RBM33: variants seen among roughly 807,000 people sequenced by gnomAD.
The protein encoded by RBM33 is RNA binding motif protein 33.
In RBM33, 28 loss-of-function variants were observed where a neutral mutation model predicts 132.6. The observed-to-expected ratio is 0.21, with a 90% CI of 0.16 to 0.29. RBM33 has a LOEUF of 0.29. Ranked by LOEUF, RBM33 falls within the 10% of genes least tolerant of loss-of-function variation. The pLI is 1.00. For missense variants in RBM33, 1,291 were observed against 1,518.5 expected (o/e 0.85, Z 2.49); for synonymous variants, 634 against 593.0 (o/e 1.07, Z -1.01).
intron 6 of RBM33, among the ~76,000 whole-genome samples, chr7:155,704,471 G>T (rs978711569): frequency 6.6e-6 from 1 of 152,176 alleles, no homozygotes; most frequent in South Asian, 2.1e-4. Context: ...GAGTAGGCAT[G>T]TGTAAGGAAT....
intron 16 of RBM33, among the ~76,000 whole-genome samples, chr7:155,770,594 CTTTTT>C (rs34251346): frequency 7.3e-6 from 1 of 136,264 alleles, no homozygotes; most frequent in Non-Finnish European, 1.6e-5. Flanking sequence ...CAGCTGATAC[CTTTTT>C]TTTTTTTTTT....
In RBM33 at chr7:155,673,562, A is replaced by G. The variant is rs1392401460; in HGVS notation, c.171+647A>G. 2.5e-3 allele frequency among the ~76,000 whole-genome samples: 218 copies of G among 87,152 alleles called. 19 individuals are homozygous for G. Among genetic ancestry groups the G allele is most frequent in the Admixed American group, 5.4e-3 (53 of 9,890 alleles). 57.2% of individuals were successfully genotyped at this position (87,152 alleles called of 152,430 possible). On this transcript the variant is annotated intron_variant, in intron 3 of 17. Transcript: ENST00000401878. ...TACATACACACGTGTATATATATAC[A>G]CACATATACATACACACGTGTATAT...
In RBM33 at chr7:155,781,285, G is replaced by T. The variant is rs1186485038; in HGVS notation, c.*6244G>T. 6.6e-6 allele frequency: 1 copy of T among 152,254 alleles called. No homozygotes were observed. The highest frequency in any genetic ancestry group is 6.5e-5 in the Admixed American group (1 of 15,274). 9.4% of individuals were successfully genotyped at this position (152,254 alleles called of 1,614,324 possible). A position where few individuals can be genotyped will look rare whatever the true frequency, so the allele number is the denominator to read the frequency against. ...CTACCTTGGGGGAATGCCGTTGCCT[G>T]TTCCACCCCTTTGTTCACTTCGCGT... On this transcript the variant is annotated 3_prime_UTR_variant, in exon 18 of 18. Coordinates refer to ENST00000401878, the MANE Select transcript of RBM33 (RefSeq NM_053043.3).
chr7:155,775,143 G>A lies in RBM33; in HGVS notation c.*102G>A, dbSNP rs773278072. On this transcript the variant is annotated 3_prime_UTR_variant, in exon 18 of 18. Transcript: ENST00000401878. ...AACCCCCAGGAGCACAGGTCTCTCC[G>A]GGCCGCTGTCCTGCGTAACTGTTCT... The A allele has an allele frequency of 1.8e-4, 184 of 1,033,470 alleles. 1 individual carries two copies. The highest frequency in any genetic ancestry group is 2.5e-4 in the Non-Finnish European group (163 of 656,166). 64.0% of individuals were successfully genotyped at this position (1,033,470 alleles called of 1,614,324 possible).
intron 3 of RBM33, among the ~76,000 whole-genome samples, chr7:155,673,768 G>GCGCACGCACACA (rs1554469952): frequency 7.5e-6 from 1 of 132,962 alleles, no homozygotes; most frequent in Non-Finnish European, 1.5e-5. Flanking sequence ...GCGCATGCGC[G>GCGCACGCACACA]CACACACACA....
In RBM33 at chr7:155,709,200, A is replaced by G. The variant is rs1800205602; in HGVS notation, c.949-2003A>G. On this transcript the variant is annotated intron_variant, in intron 7 of 17. Transcript: ENST00000401878. ...CTTCCTTTTTATTTCCAAATTAAAC[A>G]TAATATATGCATAAATATATTGCAT... Among the ~76,000 whole-genome samples the G allele has an allele frequency of 2.0e-5, 3 of 152,284 alleles. No individual in the cohort carries two copies. In the South Asian group the frequency reaches 6.2e-4, roughly 32 times the overall value.
At chr7:155,761,296 C>CTTGT (rs1285277203) in intron 14 of RBM33, among the ~76,000 whole-genome samples, 6 of 152,248 alleles carry the variant, frequency 3.9e-5, no homozygotes, top group African/African-American at 1.4e-4. Flanking sequence ...TGCCTTTGGC[C>CTTGT]TTGTATTAGG....
chr7:155,744,322 T>G (rs1801446847), intron 13 of RBM33, among the ~76,000 whole-genome samples: 1 of 152,256 alleles, frequency 6.6e-6, no homozygotes, highest in African/African-American at 2.4e-5. Flanking sequence ...TTTCAAAGAT[T>G]TTTTTGTATC....
intron 3 of RBM33, among the ~76,000 whole-genome samples, chr7:155,677,588 G>C (rs1180243318): frequency 6.6e-6 from 1 of 152,176 alleles, no homozygotes; most frequent in African/African-American, 2.4e-5. Context: ...AATAAACTGA[G>C]TATGTATCCT....
At chr7:155,701,027 C>T (rs749288225) in intron 6 of RBM33, 83 bp downstream of exon 6, 19 of 1,262,044 alleles carry the variant, frequency 1.5e-5, no homozygotes, top group Non-Finnish European at 2.2e-5. Flanking sequence ...TCAAAGTAGG[C>T]AAAGAAGGTT....
chr7:155,716,046 A>G (rs186362801), intron 8 of RBM33, among the ~76,000 whole-genome samples: 2 of 152,378 alleles, frequency 1.3e-5, no homozygotes, highest in Admixed American at 1.3e-4. Flanking sequence ...AAAACAGTCC[A>G]TTAAATACAT....
At chr7:155,696,431 T>C (rs1434243571) in intron 5 of RBM33, among the ~76,000 whole-genome samples, 2 of 152,242 alleles carry the variant, frequency 1.3e-5, no homozygotes, top group East Asian at 3.8e-4. Context: ...TTTTGTATCA[T>C]TGACCTCCGG....
intron 6 of RBM33, among the ~76,000 whole-genome samples, chr7:155,703,087 C>A (rs1168123913): frequency 6.6e-6 from 1 of 152,148 alleles, no homozygotes; most frequent in East Asian, 1.9e-4. Flanking sequence ...TGTTCATTGT[C>A]CCTCCACCCA....
Position 155,716,316 on chromosome 7 carries a change from G to GTTTTTTTTTTTTTTT in RBM33, c.1202-2067_1202-2053dup, listed in dbSNP as rs59289310. On this transcript the variant is annotated intron_variant, in intron 8 of 17. Transcript: ENST00000401878. Reference sequence around the variant, plus strand: ...TGTCAGCTGTTTTTCCTTTTCTGCTGTTTTTTTTTTTTTTTTAAATAGGGA... The same window carrying GTTTTTTTTTTTTTTT: ...TGTCAGCTGTTTTTCCTTTTCTGCTGTTTTTTTTTTTTTTTTTTTTTTTTTTTTTTTAAATAGGGA... 1.8e-3 allele frequency among the ~76,000 whole-genome samples: 182 copies of GTTTTTTTTTTTTTTT among 102,348 alleles called. 12 individuals carry two copies. The highest frequency in any genetic ancestry group is 5.9e-3 in the African/African-American group (149 of 25,386). The allele number at this position is 102,348 out of a possible 152,430, so 67.1% of individuals were successfully genotyped here.
At position 155,703,799 on chromosome 7, in the gene RBM33, G is replaced by A. The variant is rs756133582; in HGVS notation, c.739+2855G>A. 7.3e-4 allele frequency among the ~76,000 whole-genome samples: 111 copies of A among 152,114 alleles called. 1 individual carries two copies. The highest frequency in any genetic ancestry group is 3.2e-3 in the Middle Eastern group (1 of 316). On this transcript the variant is annotated intron_variant, in intron 6 of 17. Transcript: ENST00000401878. ...CATTTTTACACATCAGTTTATTTGT[G>A]TGCTCCTAGAGATCAAAATAAAAAA...
chr7:155,681,991 A>G (rs1355660664), intron 5 of RBM33, among the ~76,000 whole-genome samples: 1 of 149,156 alleles, frequency 6.7e-6, no homozygotes, highest in Admixed American at 6.7e-5. Context: ...TGCGATCTCC[A>G]CTCACTGCAA....
At chr7:155,760,514 G>A (rs1367656200) in intron 14 of RBM33, among the ~76,000 whole-genome samples, 1 of 152,202 alleles carries the variant, frequency 6.6e-6, no homozygotes, top group Non-Finnish European at 1.5e-5. Context: ...CGCTTGTAAA[G>A]AGGAGGAATG....
In RBM33 at chr7:155,672,911, A is replaced by G. The variant is rs1342037807; in HGVS notation, c.167A>G (p.Lys56Arg). ...CTTGGAGAAGATTTGCTATCTGGCA[A>G]AAAGGTAAGAAGTTTATGTCCTTCT... ...DLLGEDLLSG[K>R]KNQSDLSDEE... is the part of the protein sequence containing the mutation. Residue 56 changes from lysine to arginine, a missense_variant, in exon 3 of 18, where the codon AAA (lysine) becomes AGA (arginine). Transcript: ENST00000401878. 6.5e-7 allele frequency: 1 copy of G among 1,546,510 alleles called. No individual in the cohort carries two copies. Among genetic ancestry groups the G allele is most frequent in the Non-Finnish European group, 8.8e-7 (1 of 1,142,764 alleles).
chr7:155,685,745 G>T (rs1171364661), intron 5 of RBM33, among the ~76,000 whole-genome samples: 2 of 152,232 alleles, frequency 1.3e-5, no homozygotes, highest in Admixed American at 1.3e-4. Context: ...ACTAGCTGCT[G>T]TGGGCCAGAC....
Sources: allele counts gnomAD v4.1 joint callset (sites outside exome capture counted in the v4.1 genomes callset), GRCh38; gene constraint gnomAD v4.1.1; transcripts MANE v1.5; gene names NCBI Gene and HGNC (gene_info 2026-07-23, HGNC 2026-07-21).